The following PCNX2 variants were observed in gnomAD, a reference collection of about 807,000 sequenced individuals.
PCNX2 encodes pecanex 2.
PCNX2 carries 168 observed loss-of-function variants against 223.8 expected under a neutral mutation model. The observed-to-expected ratio is 0.75, with a 90% CI of 0.66 to 0.85. The LOEUF (loss-of-function observed/expected upper bound fraction) is 0.85. Ranked by LOEUF, PCNX2 falls within the 40% of genes least tolerant of loss-of-function variation. The probability of loss-of-function intolerance (pLI) is 0.00; values close to 1 mark genes in which losing one functional copy is unlikely to be tolerated. For synonymous variants in PCNX2, 1,006 were observed against 1,052.6 expected, an observed-to-expected ratio of 0.96 and a Z score of 0.86; for missense variants, 2,507 against 2,675.5, an observed-to-expected ratio of 0.94 and a Z score of 1.39.
chr1:233,252,803 T>C lies in PCNX2; in HGVS notation c.1835-15A>G. ...GGAACAGTTATCTGAAAAACATTGC[T>C]TTACTTGTTAATTTAATATAAAATA... On this transcript the variant is annotated splice_polypyrimidine_tract_variant and intron_variant, in intron 5 of 33. Transcript: ENST00000258229. 2.5e-6 allele frequency: 4 copies of C among 1,578,880 alleles called. No homozygotes were observed. Among genetic ancestry groups the C allele is most frequent in the Non-Finnish European group, 2.6e-6 (3 of 1,166,750 alleles).
At chr1:233,121,055 A>T (rs1022145959) in intron 21 of PCNX2, among the ~76,000 whole-genome samples, 3 of 145,046 alleles carry the variant, frequency 2.1e-5, no homozygotes, top group East Asian at 2.0e-4. Context: ...GTTTAAAATT[A>T]AAAAAAAAAA....
At chr1:233,099,179 C>T (rs1674343196) in intron 21 of PCNX2, among the ~76,000 whole-genome samples, 1 of 152,224 alleles carries the variant, frequency 6.6e-6, no homozygotes, top group Non-Finnish European at 1.5e-5. Flanking sequence ...CCCAACTTTA[C>T]CATGCCTCCT....
At chr1:233,117,866 C>T (rs865933807) in intron 21 of PCNX2, among the ~76,000 whole-genome samples, 27 of 150,522 alleles carry the variant, frequency 1.8e-4, no homozygotes, top group East Asian at 1.4e-3. Flanking sequence ...AAAAATTAGC[C>T]GGGCGTAGTG....
chr1:233,209,314 A>G (rs1029815324), intron 12 of PCNX2, among the ~76,000 whole-genome samples: 1 of 152,222 alleles, frequency 6.6e-6, no homozygotes, highest in Non-Finnish European at 1.5e-5. Context: ...TCTTATCCCT[A>G]TGCCTATTGT....
intron 20 of PCNX2, 147 bp from the exon 21 acceptor site, chr1:233,135,337 G>T (rs1676742058): frequency 1.4e-6 from 1 of 712,306 alleles, no homozygotes; most frequent in South Asian, 2.0e-5. Flanking sequence ...ATTATTGTCT[G>T]CATTTTACAG....
At chr1:233,227,939 A>T (rs1657843530) in intron 9 of PCNX2, among the ~76,000 whole-genome samples, 1 of 152,098 alleles carries the variant, frequency 6.6e-6, no homozygotes, top group Admixed American at 6.6e-5. Flanking sequence ...CCCCTAATTC[A>T]TCTCTTATTA....
At chr1:233,151,740 T>A (rs1368823890) in intron 19 of PCNX2, among the ~76,000 whole-genome samples, 1 of 152,212 alleles carries the variant, frequency 6.6e-6, no homozygotes, top group African/African-American at 2.4e-5. Context: ...AATGGCACAA[T>A]CTCTGCTCAC....
intron 33 of PCNX2, 127 bp downstream of exon 33, chr1:232,985,965 G>GC: frequency 9.9e-7 from 1 of 1,008,814 alleles, no homozygotes; most frequent in Non-Finnish European, 1.5e-6. Context: ...CACTCTGGGA[G>GC]CCCCATAGAG....
intron 15 of PCNX2, among the ~76,000 whole-genome samples, chr1:233,181,730 G>C (rs1679813343): frequency 1.3e-5 from 2 of 152,166 alleles, no homozygotes; most frequent in Admixed American, 6.5e-5. Flanking sequence ...CTGACTCCTA[G>C]ATGATGCCTT....
intron 4 of PCNX2, among the ~76,000 whole-genome samples, chr1:233,260,480 G>GC (rs1659989330): frequency 6.6e-6 from 1 of 152,142 alleles, no homozygotes; most frequent in African/African-American, 2.4e-5. Flanking sequence ...AGCTGTACGT[G>GC]CAACTAAAAT....
intron 28 of PCNX2, among the ~76,000 whole-genome samples, chr1:233,009,123 C>T (rs924249623): frequency 2.0e-5 from 3 of 152,160 alleles, no homozygotes; most frequent in Admixed American, 6.5e-5. Flanking sequence ...TTCAGAAATC[C>T]CAGCTGCAAA....
intron 25 of PCNX2, among the ~76,000 whole-genome samples, chr1:233,033,968 C>T (rs551604983): frequency 1.8e-3 from 272 of 152,254 alleles, no homozygotes; most frequent in Non-Finnish European, 3.3e-3. Context: ...AATCCCAGCA[C>T]TTTGGGAGGC....
rs1676727629 is a variant in PCNX2 at position 233,135,074 on chromosome 1, T to C, written c.3776A>G (p.Tyr1259Cys). 6.2e-7 allele frequency: 1 copy of C among 1,612,640 alleles called. No individual in the cohort carries two copies. The highest frequency in any genetic ancestry group is 1.7e-5 in the Admixed American group (1 of 60,006). ...TAAGAAGCTCTCTGAAATATCTTTG[T>C]AGTCAAAGTGGAAAAAGATGACAGT... ...SFTVIFFHFDYKDISESFLLD... is the reference protein window; with the variant it reads ...SFTVIFFHFDCKDISESFLLD... Residue 1259 changes from tyrosine (Y) to cysteine (C), a missense_variant, in exon 21 of 34, where the codon TAC (tyrosine) becomes TGC (cysteine). Transcript: ENST00000258229.
In PCNX2 at chr1:233,259,067, G is replaced by A; in HGVS notation, c.795C>T (p.Asp265=). 6.2e-7 allele frequency: 1 copy of A among 1,613,980 alleles called. No individual in the cohort carries two copies. Among genetic ancestry groups the A allele is most frequent in the Non-Finnish European group, 8.5e-7 (1 of 1,179,876 alleles). Residue 265 remains aspartate (D), a synonymous_variant, in exon 5 of 34, where the codon GAC becomes GAT. Transcript: ENST00000258229. ...KLPHLSLSQY[D]LLETDVSFQP... Reference sequence around the variant, plus strand: ...GGAAAGAAACGTCTGTTTCTAGTAAGTCATACTGAGACAAAGACAGGTGGG... The same window carrying A: ...GGAAAGAAACGTCTGTTTCTAGTAAATCATACTGAGACAAAGACAGGTGGG...
chr1:233,320,172 A>G, the PCNX2 span, among the ~76,000 whole-genome samples: 1 of 152,204 alleles, frequency 6.6e-6, no homozygotes, highest in African/African-American at 2.4e-5. Flanking sequence ...AATTGTAAGA[A>G]ATAATACAGA....
chr1:233,119,401 T>TAAAAAAAAAAAA (rs1675619215), intron 21 of PCNX2, among the ~76,000 whole-genome samples: 1 of 8,144 alleles, frequency 1.2e-4, no homozygotes, highest in Non-Finnish European at 2.4e-4. Context: ...CTACTAAAAA[T>TAAAAAAAAAAAA]ACAAAAAAAA....
Position 233,259,015 on chromosome 1 carries a change from G to T in PCNX2, c.847C>A (p.Leu283Met). ...GGACAACTGACAGGTTCTGGAATCA[G>T]GACTGAATTCTCACTCCCCCACGGC... is the stretch of plus-strand genomic sequence containing the variant. ...FQPWGSENSV[L>M]IPEPVSCPRG... Residue 283 changes from leucine (L) to methionine (M), a missense_variant, in exon 5 of 34, where the codon CTG becomes ATG. By Grantham distance (15) the Leu-to-Met change is conservative. Transcript: ENST00000258229. 1 of 1,613,906 alleles carries T rather than the reference G, an allele frequency of 6.2e-7. No individual in the cohort carries two copies. The highest frequency in any genetic ancestry group is 8.5e-7 in the Non-Finnish European group (1 of 1,179,862).
intron 1 of PCNX2, among the ~76,000 whole-genome samples, chr1:233,283,770 A>T (rs1175343760): frequency 6.6e-6 from 1 of 152,222 alleles, no homozygotes; most frequent in Non-Finnish European, 1.5e-5. Context: ...CCATTTTGCA[A>T]CCACCATTGT....
At chr1:233,256,913 T>C (rs1659766520) in intron 5 of PCNX2, among the ~76,000 whole-genome samples, 1 of 152,148 alleles carries the variant, frequency 6.6e-6, no homozygotes, top group Non-Finnish European at 1.5e-5. Flanking sequence ...ATCCCAGCAC[T>C]AAGAAACGTT....
Sources: gnomAD v4.1 joint callset for allele counts (sites outside exome capture counted in the v4.1 genomes callset) on GRCh38, gnomAD v4.1.1 for gene constraint, MANE v1.5 for transcripts, NCBI Gene and HGNC (gene_info 2026-07-23, HGNC 2026-07-21) for gene names.